IL1RAPL2: variants seen among roughly 807,000 people sequenced by gnomAD.
IL1RAPL2 encodes the protein interleukin 1 receptor accessory protein like 2, also known as X-linked interleukin-1 receptor accessory protein-like 2.
IL1RAPL2 carries 3 observed loss-of-function variants against 44.1 expected under a neutral mutation model. The ratio of observed to expected loss-of-function variants is 0.07; its 90% CI spans 0.03 to 0.18. The LOEUF (loss-of-function observed/expected upper bound fraction) is 0.18. Among genes scored for constraint, IL1RAPL2 ranks in the 10% least tolerant of loss-of-function variants. The pLI is 1.00. For missense variants in IL1RAPL2, 391 were observed against 496.4 expected, an observed-to-expected ratio of 0.79 and a Z score of 2.02; for synonymous variants, 181 against 178.8, an observed-to-expected ratio of 1.01 and a Z score of -0.10.
intron 2 of IL1RAPL2, among the ~76,000 whole-genome samples, chrX:104,729,993 G>C (rs1280212148): frequency 9.0e-6 from 1 of 110,875 alleles, no homozygotes; most frequent in African/African-American, 3.3e-5. Flanking sequence ...CCGAAAGAAA[G>C]CCAGCATTAC....
At chrX:104,629,845 G>T (rs1035567300) in intron 1 of IL1RAPL2, among the ~76,000 whole-genome samples, 1 of 111,850 alleles carries the variant, frequency 8.9e-6, no homozygotes, top group Non-Finnish European at 1.9e-5. Context: ...GTAAATATAT[G>T]AATTTACTTC....
intron 3 of IL1RAPL2, among the ~76,000 whole-genome samples, chrX:105,229,614 A>C (rs1453169335): frequency 9.0e-6 from 1 of 111,520 alleles, no homozygotes; most frequent in East Asian, 2.8e-4. Context: ...CTTGCCTTTA[A>C]CACCACCCCA....
At chrX:104,751,777 ATATAT>A (rs1482056082) in intron 2 of IL1RAPL2, among the ~76,000 whole-genome samples, 4 of 111,241 alleles carry the variant, frequency 3.6e-5, no homozygotes, top group African/African-American at 1.3e-4. Context: ...GGAGCATAAG[ATATAT>A]TATAATCTTA....
chrX:105,337,343 G>T (rs1261604848), intron 5 of IL1RAPL2, among the ~76,000 whole-genome samples: 1 of 112,462 alleles, frequency 8.9e-6, no homozygotes, highest in African/African-American at 3.2e-5. Context: ...TGTGATGAGA[G>T]AAGGGAGAGA....
intron 2 of IL1RAPL2, among the ~76,000 whole-genome samples, chrX:104,740,115 C>T (rs750025218): frequency 9.0e-6 from 1 of 110,947 alleles, no homozygotes; most frequent in African/African-American, 3.3e-5. Context: ...TTTTTTCCTC[C>T]CTCGATCAAT....
chrX:104,649,777 G>A (rs1026745343), intron 1 of IL1RAPL2, among the ~76,000 whole-genome samples: 14 of 111,662 alleles, frequency 1.3e-4, no homozygotes, highest in Non-Finnish European at 2.6e-4. Flanking sequence ...AGTTAAATGT[G>A]TTTTGGTTTC....
At position 104,635,401 on chromosome X, in the gene IL1RAPL2, T is replaced by C. The variant is rs745788404; in HGVS notation, c.-19-23494T>C. Among the ~76,000 whole-genome samples the C allele has an allele frequency of 1.3e-4, 15 of 111,329 alleles. No individual in the cohort carries two copies. In the South Asian group the frequency reaches 5.8e-3, roughly 43 times the overall value. On this transcript the variant is annotated intron_variant, in intron 1 of 10. Coordinates refer to ENST00000372582, the MANE Select transcript of IL1RAPL2 (RefSeq NM_017416.2). ...CTGAACGTTGGCCTGCCTTGCTAGA[T>C]TGGGGAAGTTCTCCTGGATAATATC...
chrX:105,052,458 A>G (rs766338387), intron 2 of IL1RAPL2, among the ~76,000 whole-genome samples: 12 of 112,047 alleles, frequency 1.1e-4, no homozygotes, highest in Non-Finnish European at 1.7e-4. Flanking sequence ...TTGAAAGAAA[A>G]TTAGGTGTCT....
chrX:105,601,954 C>G (rs2037255172), intron 6 of IL1RAPL2, among the ~76,000 whole-genome samples: 2 of 110,933 alleles, frequency 1.8e-5, no homozygotes, highest in South Asian at 7.8e-4. Context: ...AGGCTGCCCA[C>G]AGTACCAAGG....
chrX:105,720,921 C>A (rs1192898456), intron 7 of IL1RAPL2, among the ~76,000 whole-genome samples: 3 of 108,284 alleles, frequency 2.8e-5, no homozygotes, highest in Admixed American at 2.0e-4. Flanking sequence ...CTTATGGTAC[C>A]TTTGTACCAT....
intron 2 of IL1RAPL2, among the ~76,000 whole-genome samples, chrX:105,044,361 A>G (rs2031807660): frequency 1.8e-5 from 2 of 110,832 alleles, no homozygotes; most frequent in African/African-American, 6.6e-5. Flanking sequence ...TCTCTACTCC[A>G]TCCCTAAACC....
At chrX:105,556,650 A>T (rs1265433830) in intron 6 of IL1RAPL2, among the ~76,000 whole-genome samples, 1 of 111,750 alleles carries the variant, frequency 8.9e-6, no homozygotes, top group Non-Finnish European at 1.9e-5. Context: ...ATACAAAAAT[A>T]ATTTTAAGTA....
chrX:104,609,683 G>A (rs1929106874), intron 1 of IL1RAPL2, among the ~76,000 whole-genome samples: 1 of 111,844 alleles, frequency 8.9e-6, no homozygotes, highest in Non-Finnish European at 1.9e-5. Context: ...TTCTCATGCT[G>A]TGTTTTTCAG....
intron 6 of IL1RAPL2, among the ~76,000 whole-genome samples, chrX:105,570,548 G>T: frequency 9.0e-6 from 1 of 111,699 alleles, no homozygotes; most frequent in African/African-American, 3.2e-5. Context: ...GGTTTTTCTA[G>T]TTTACATTCC....
intron 2 of IL1RAPL2, among the ~76,000 whole-genome samples, chrX:105,021,082 A>AG (rs2031274881): frequency 8.9e-6 from 1 of 111,792 alleles, no homozygotes; most frequent in African/African-American, 3.2e-5. Flanking sequence ...TAACTTAAGG[A>AG]GATAGACTTG....
chrX:104,589,464 T>C, intron 1 of IL1RAPL2, among the ~76,000 whole-genome samples: 1 of 112,123 alleles, frequency 8.9e-6, no homozygotes. Flanking sequence ...GAGTCTGCCT[T>C]TCCCAGCCCA....
chrX:105,289,167 T>C (rs2034593921), intron 5 of IL1RAPL2, among the ~76,000 whole-genome samples: 1 of 111,163 alleles, frequency 9.0e-6, no homozygotes, highest in Non-Finnish European at 1.9e-5. Flanking sequence ...GTTCAGACTT[T>C]AAGGAACAAC....
At chrX:104,870,491 G>A (rs1002228915) in intron 2 of IL1RAPL2, among the ~76,000 whole-genome samples, 2 of 112,355 alleles carry the variant, frequency 1.8e-5, no homozygotes, top group Admixed American at 9.4e-5. Flanking sequence ...TATGGATGAG[G>A]CAACCAAGAA....
intron 2 of IL1RAPL2, among the ~76,000 whole-genome samples, chrX:105,093,439 C>T (rs754609680): frequency 3.6e-5 from 4 of 111,009 alleles, no homozygotes; most frequent in Non-Finnish European, 7.6e-5. Flanking sequence ...GTATAGCCAG[C>T]CATCCCATAC....
Sources: allele counts gnomAD v4.1 joint callset (sites outside exome capture counted in the v4.1 genomes callset), GRCh38; gene constraint gnomAD v4.1.1; transcripts MANE v1.5; gene names NCBI Gene and HGNC (gene_info 2026-07-23, HGNC 2026-07-21).